CRISP3: variants seen among roughly 807,000 people sequenced by gnomAD.
The protein encoded by CRISP3 is cysteine-rich secretory protein 3.
CRISP3 carries 33 observed loss-of-function variants against 36.1 expected under a neutral mutation model. That is an observed-to-expected ratio of 0.91 (90% CI 0.69 to 1.22). The LOEUF (loss-of-function observed/expected upper bound fraction) is 1.22. Among genes scored for constraint, CRISP3 ranks in the 50% most tolerant of loss-of-function variants. The pLI is 0.00. For synonymous variants in CRISP3, 117 were observed against 104.6 expected (o/e 1.12, Z -0.72); for missense variants, 330 against 301.2 (o/e 1.10, Z -0.71).
At chr6:49,743,137 T>C (rs147074072) in intron 1 of CRISP3, among the ~76,000 whole-genome samples, 17 of 152,368 alleles carry the variant, frequency 1.1e-4, no homozygotes, top group Non-Finnish European at 2.1e-4. Context: ...TTCGTAAAGA[T>C]ATCCAAATAA....
intron 6 of CRISP3, among the ~76,000 whole-genome samples, 176 bp downstream of exon 6, chr6:49,733,019 C>A (rs970784637): frequency 6.6e-6 from 1 of 152,142 alleles, no homozygotes; most frequent in African/African-American, 2.4e-5. Context: ...ATACTTGGAA[C>A]TGGAACTGAA....
intron 2 of CRISP3, among the ~76,000 whole-genome samples, chr6:49,736,869 G>T (rs747685626): frequency 1.3e-5 from 2 of 152,142 alleles, no homozygotes; most frequent in Non-Finnish European, 2.9e-5. Context: ...CTGCAGCAAA[G>T]AAGTTGTAAA....
At chr6:49,736,287 G>A in intron 3 of CRISP3, 104 bp downstream of exon 3, 2 of 743,860 alleles carry the variant, frequency 2.7e-6, no homozygotes, top group Non-Finnish European at 4.6e-6. Context: ...AAAATACAGA[G>A]AGAACTTTGT....
At chr6:49,731,426 T>C (rs1768914978) in intron 6 of CRISP3, among the ~76,000 whole-genome samples, 175 bp from the exon 7 acceptor site, 1 of 152,184 alleles carries the variant, frequency 6.6e-6, no homozygotes. Flanking sequence ...ATTAAGAGAA[T>C]AATTCACACA....
intron 1 of CRISP3, among the ~76,000 whole-genome samples, chr6:49,742,446 A>T (rs992727486): frequency 6.6e-6 from 1 of 152,028 alleles, no homozygotes; most frequent in Admixed American, 6.6e-5. Flanking sequence ...ACCCTGCGTA[A>T]CATGGTGAAA....
chr6:49,730,713 A>G (rs1171614810), intron 7 of CRISP3, among the ~76,000 whole-genome samples: 2 of 152,214 alleles, frequency 1.3e-5, no homozygotes, highest in African/African-American at 4.8e-5. Flanking sequence ...CAAATGATAC[A>G]TAGATACTGA....
intron 1 of CRISP3, among the ~76,000 whole-genome samples, chr6:49,741,303 C>T (rs1256921086): frequency 6.6e-6 from 1 of 152,022 alleles, no homozygotes; most frequent in Non-Finnish European, 1.5e-5. Context: ...TACTTCCTCC[C>T]AATGCTGTTT....
At chr6:49,741,134 A>AAC (rs1769190310) in intron 1 of CRISP3, among the ~76,000 whole-genome samples, 1 of 56,586 alleles carries the variant, frequency 1.8e-5, no homozygotes, top group African/African-American at 6.6e-5. Context: ...CAAAAAAAAC[A>AAC]AACAAAAAAA....
intron 2 of CRISP3, 143 bp from the exon 3 acceptor site, chr6:49,736,650 TATG>T (rs1769059699): frequency 1.4e-6 from 1 of 709,420 alleles, no homozygotes; most frequent in Admixed American, 2.5e-5. Context: ...CTGCCAAAGC[TATG>T]ACTTTTTAAT....
chr6:49,730,414 A>T (rs1200034301), intron 7 of CRISP3, among the ~76,000 whole-genome samples: 2 of 152,108 alleles, frequency 1.3e-5, no homozygotes, highest in Non-Finnish European at 2.9e-5. Context: ...TATGGCAAAA[A>T]TGAGGAAGTT....
In CRISP3 at chr6:49,736,467, A is replaced by C; in HGVS notation, c.152T>G (p.Val51Gly). Reference sequence around the variant, plus strand: ...GTGCTTATTCACAATCTCCCTTTGCACTTGTGTTTGGGTGGTTAACAAAGC... The same window carrying C: ...GTGCTTATTCACAATCTCCCTTTGCCCTTGTGTTTGGGTGGTTAACAAAGC... ...FTALLTTQTQ[V>G]QREIVNKHNE... The change falls in exon 3 of 8, where the codon GTG (valine) becomes GGG (glycine). Residue 51 changes from valine (V) to glycine (G), a missense_variant. Coordinates refer to ENST00000263045, the MANE Select transcript of CRISP3 (RefSeq NM_006061.4). The C allele has an allele frequency of 6.2e-7, 1 of 1,613,810 alleles. No homozygotes were observed. The highest frequency in any genetic ancestry group is 1.1e-5 in the South Asian group (1 of 91,056).
intron 5 of CRISP3, 129 bp from the exon 6 acceptor site, chr6:49,733,421 A>G (rs1768964881): frequency 6.1e-6 from 4 of 658,252 alleles, no homozygotes; most frequent in Non-Finnish European, 1.0e-5. Context: ...CCTTATGGCT[A>G]TATTTAGTTA....
At position 49,737,340 on chromosome 6, in the gene CRISP3, T is replaced by C; in HGVS notation, c.96A>G (p.Pro32=). ...FLVAGLLPSF[P]ANEDKDPAFT... is the part of the protein sequence containing the mutation. Reference sequence around the variant, plus strand: ...TCAACCATACCTTATCTTCATTTGCTGGAAAAGATGGAAGCAGCCCAGCAA... The same window carrying C: ...TCAACCATACCTTATCTTCATTTGCCGGAAAAGATGGAAGCAGCCCAGCAA... The change falls in exon 2 of 8, where the codon CCA becomes CCG. Residue 32 remains proline (P), a synonymous_variant. Coordinates refer to ENST00000263045, the MANE Select transcript of CRISP3 (RefSeq NM_006061.4). The C allele has an allele frequency of 6.2e-7, 1 of 1,613,856 alleles. No individual in the cohort carries two copies. Among genetic ancestry groups the C allele is most frequent in the Admixed American group, 1.7e-5 (1 of 59,992 alleles).
At position 49,728,045 on chromosome 6, in the gene CRISP3, T is replaced by G. The variant is rs1768811191; in HGVS notation, c.*685A>C. The G allele has an allele frequency of 6.6e-6, 1 of 152,164 alleles. No individual in the cohort carries two copies. The highest frequency in any genetic ancestry group is 1.5e-5 in the Non-Finnish European group (1 of 67,996). 9.4% of individuals were successfully genotyped at this position (152,164 alleles called of 1,614,324 possible). ...TGGAGGGTATTTACCTATATTATCT[T>G]GTATTCTTTTTTAAGGAAGTTTTGT... On this transcript the variant is annotated 3_prime_UTR_variant, in exon 8 of 8. Coordinates refer to ENST00000263045, the MANE Select transcript of CRISP3 (RefSeq NM_006061.4).
intron 1 of CRISP3, among the ~76,000 whole-genome samples, chr6:49,744,089 A>G (rs1436581198): frequency 2.0e-5 from 3 of 152,154 alleles, no homozygotes. Context: ...GAAAGGTAAA[A>G]ATTTATTTAA....
intron 2 of CRISP3, among the ~76,000 whole-genome samples, chr6:49,736,872 G>A (rs1285740570): frequency 6.6e-6 from 1 of 152,110 alleles, no homozygotes; most frequent in African/African-American, 2.4e-5. Context: ...CAGCAAAGAA[G>A]TTGTAAAGAT....
At chr6:49,735,416 T>C in intron 4 of CRISP3, 88 bp downstream of exon 4, 2 of 983,212 alleles carry the variant, frequency 2.0e-6, no homozygotes, top group African/African-American at 1.6e-5. Flanking sequence ...GCAATATTTA[T>C]TTACAAACTT....
At chr6:49,735,776 T>C (rs1769034964) in intron 3 of CRISP3, among the ~76,000 whole-genome samples, 185 bp from the exon 4 acceptor site, 1 of 152,170 alleles carries the variant, frequency 6.6e-6, no homozygotes, top group African/African-American at 2.4e-5. Context: ...CAAAGAAATA[T>C]AGGTAATATG....
intron 7 of CRISP3, 110 bp downstream of exon 7, chr6:49,731,053 G>C: frequency 1.4e-6 from 1 of 734,204 alleles, no homozygotes; most frequent in South Asian, 2.2e-5. Flanking sequence ...TTTCCTTTTT[G>C]TCCTTTGCAT....
Sources: allele counts gnomAD v4.1 joint callset (sites outside exome capture counted in the v4.1 genomes callset), GRCh38; gene constraint gnomAD v4.1.1; transcripts MANE v1.5; gene names NCBI Gene and HGNC (gene_info 2026-07-23, HGNC 2026-07-21).